Variants in EIF4G3 observed in about 807,000 individuals in gnomAD.
The protein encoded by EIF4G3 is eukaryotic translation initiation factor 4 gamma 3.
EIF4G3 carries 34 observed loss-of-function variants against 186.4 expected under a neutral mutation model. The observed-to-expected ratio is 0.18, with a 90% confidence interval of 0.14 to 0.24. The LOEUF is 0.24. EIF4G3 is among the 10% of genes least tolerant of loss of function. The pLI is 1.00. For synonymous variants in EIF4G3, 673 were observed against 679.5 expected (o/e 0.99, Z 0.15); for missense variants, 1,536 against 1,948.5 (o/e 0.79, Z 3.99).
chr1:21,102,030 C>A (rs930185387), intron 2 of EIF4G3, among the ~76,000 whole-genome samples: 3 of 152,236 alleles, frequency 2.0e-5, no homozygotes. Flanking sequence ...ATGAAACATG[C>A]ACCAAAGCCC....
chr1:21,013,324 G>T (rs1001931304), intron 4 of EIF4G3, among the ~76,000 whole-genome samples: 4 of 152,068 alleles, frequency 2.6e-5, no homozygotes, highest in Admixed American at 2.6e-4. Flanking sequence ...ACAATAATTT[G>T]TAAGGCAGCC....
Position 21,053,124 on chromosome 1 carries a change from C to T in EIF4G3, c.-195-2130G>A, listed in dbSNP as rs536821188. Among the ~76,000 whole-genome samples the T allele has an allele frequency of 9.6e-3, 1,463 of 151,744 alleles. 9 individuals carry two copies. The highest frequency in any genetic ancestry group is 0.015 in the Non-Finnish European group (987 of 67,834). On this transcript the variant is annotated intron_variant, in intron 3 of 36. Transcript: ENST00000602326. ...CGTCTCTGCCCGGCCGCCATCCCAT[C>T]TAGGAAGTGAGGAGCGTCTCTGCCA...
At chr1:20,978,007 G>A (rs1468374903) in intron 10 of EIF4G3, among the ~76,000 whole-genome samples, 1 of 152,098 alleles carries the variant, frequency 6.6e-6, no homozygotes, top group Non-Finnish European at 1.5e-5. Flanking sequence ...TAAATTAGAA[G>A]ACTAATTGTA....
At chr1:20,990,188 A>T (rs1329791512) in intron 7 of EIF4G3, among the ~76,000 whole-genome samples, 3 of 150,346 alleles carry the variant, frequency 2.0e-5, no homozygotes, top group African/African-American at 7.4e-5. Context: ...ACAAACAAAT[A>T]AATTAAAAAA....
rs1408208361 is a variant in EIF4G3, at chr1:20,899,935, A to G, written c.1761T>C (p.Ala587=). Residue 587 remains alanine (A), a synonymous_variant, in exon 16 of 37, where the codon GCT becomes GCC. Coordinates refer to ENST00000602326, the MANE Select transcript of EIF4G3 (RefSeq NM_001391906.1). ...EMLEAELELK[A]EEELSIDKVL... The stretch of plus-strand genomic sequence containing the variant: ...CTTTGTCAATGGAAAGCTCCTCTTC[A>G]GCTTTAAGCTAAATAATAAATGAAC... 3 of 1,606,872 alleles carry G rather than the reference A, an allele frequency of 1.9e-6. No homozygotes were observed. The highest frequency in any genetic ancestry group is 3.4e-5 in the Admixed American group (2 of 58,170).
At position 20,851,323 on chromosome 1, in the gene EIF4G3, A is replaced by G; in HGVS notation, c.3707T>C (p.Leu1236Pro). ...CCTCTCCACATCCACACCTCCTGTGAGCTGCTTCACGGTCTCCAGCATCTC... is the reference window on the plus strand; with the variant it reads ...CCTCTCCACATCCACACCTCCTGTGGGCTGCTTCACGGTCTCCAGCATCTC... ...RREMLETVKQ[L>P]TGGVDVERNS... Residue 1236 changes from leucine (L) to proline (P), a missense_variant, in exon 28 of 37, where the codon CTC (leucine) becomes CCC (proline). Around this residue, in one of 11 missense-constraint regions of EIF4G3, gnomAD observed 395 missense variants for 498.9 expected, o/e 0.79. Transcript: ENST00000602326. 2 of 1,614,070 alleles carry G rather than the reference A, an allele frequency of 1.2e-6. No individual in the cohort carries two copies. The highest frequency in any genetic ancestry group is 1.7e-6 in the Non-Finnish European group (2 of 1,180,020).
intron 2 of EIF4G3, among the ~76,000 whole-genome samples, chr1:21,136,344 C>G (rs1274030844): frequency 2.0e-5 from 3 of 151,910 alleles, no homozygotes; most frequent in Non-Finnish European, 2.9e-5. Context: ...TGGTGAAACC[C>G]CATCTCTACT....
chr1:20,880,728 G>A (rs1467197154), intron 19 of EIF4G3, among the ~76,000 whole-genome samples: 2 of 152,122 alleles, frequency 1.3e-5, no homozygotes, highest in Non-Finnish European at 2.9e-5. Context: ...TGCAGCTTGC[G>A]CAACAGAGTG....
intron 33 of EIF4G3, among the ~76,000 whole-genome samples, chr1:20,819,939 A>G (rs550870435): frequency 4.7e-4 from 71 of 152,242 alleles, no homozygotes; most frequent in African/African-American, 1.4e-3. Flanking sequence ...GGAGACAGAA[A>G]GAAAGAGAGA....
At chr1:20,879,172 T>G (rs1242722563) in intron 20 of EIF4G3, 151 bp downstream of exon 20, 1 of 562,248 alleles carries the variant, frequency 1.8e-6, no homozygotes, top group Non-Finnish European at 2.7e-6. Context: ...AAAGCAAGAT[T>G]GTCTTTAATA....
intron 12 of EIF4G3, among the ~76,000 whole-genome samples, chr1:20,955,638 G>T (rs2096391425): frequency 6.6e-6 from 1 of 152,158 alleles, no homozygotes; most frequent in African/African-American, 2.4e-5. Flanking sequence ...AGTAGTCCAA[G>T]GGAAATAATT....
In EIF4G3 at chr1:21,089,166, G is replaced by A; in HGVS notation, c.-224C>T. 1 of 717,444 alleles carries A rather than the reference G, an allele frequency of 1.4e-6. No homozygotes were observed. The highest frequency in any genetic ancestry group is 2.6e-6 in the Non-Finnish European group (1 of 385,076). 44.4% of individuals were successfully genotyped at this position (717,444 alleles called of 1,614,324 possible). ...GCTGTAGACTGCTGAGACAGCGGGA[G>A]TGAAGATTCGATCCTCAAGAGGTTG... On this transcript the variant is annotated 5_prime_UTR_variant, in exon 3 of 37. Transcript: ENST00000602326.
chr1:21,135,627 A>C (rs1358190548), intron 2 of EIF4G3, among the ~76,000 whole-genome samples: 1 of 152,258 alleles, frequency 6.6e-6, no homozygotes, highest in Non-Finnish European at 1.5e-5. Context: ...GCAAAAATAC[A>C]AGACCATGTG....
intron 4 of EIF4G3, among the ~76,000 whole-genome samples, chr1:21,008,839 T>C (rs1468936460): frequency 2.6e-5 from 4 of 152,174 alleles, no homozygotes; most frequent in Non-Finnish European, 5.9e-5. Context: ...TTCAAATTAA[T>C]AGAAAAATAC....
intron 4 of EIF4G3, among the ~76,000 whole-genome samples, chr1:21,016,041 T>C (rs2088905832): frequency 6.6e-6 from 1 of 152,144 alleles, no homozygotes; most frequent in South Asian, 2.1e-4. Flanking sequence ...AAAATTTTGG[T>C]TCATAAGTCC....
intron 4 of EIF4G3, among the ~76,000 whole-genome samples, chr1:21,032,668 T>C (rs1254414816): frequency 6.6e-6 from 1 of 152,218 alleles, no homozygotes; most frequent in African/African-American, 2.4e-5. Flanking sequence ...TGTTTTCATC[T>C]TGAATTCTAT....
chr1:20,878,487 T>C (rs565356473), intron 20 of EIF4G3, among the ~76,000 whole-genome samples: 9 of 152,344 alleles, frequency 5.9e-5, no homozygotes, highest in Non-Finnish European at 8.8e-5. Context: ...TTTGAATTCC[T>C]TTAAGACAGA....
chr1:21,126,281 T>C (rs2097042151), intron 2 of EIF4G3, among the ~76,000 whole-genome samples: 1 of 149,370 alleles, frequency 6.7e-6, no homozygotes, highest in African/African-American at 2.5e-5. Flanking sequence ...TACCCAAGAC[T>C]AAGATTTGAA....
chr1:21,169,776 A>G (rs2097920329), intron 2 of EIF4G3: 1 of 152,228 alleles, frequency 6.6e-6, no homozygotes, highest in Admixed American at 6.5e-5. Flanking sequence ...CTGCAAAATA[A>G]TTTGAGGGCA....
Sources: allele counts gnomAD v4.1 joint callset (sites outside exome capture counted in the v4.1 genomes callset), GRCh38; gene constraint gnomAD v4.1.1; regional missense constraint gnomAD v4.1.1; transcripts MANE v1.5; gene names NCBI Gene and HGNC (gene_info 2026-07-23, HGNC 2026-07-21).